The following CHRM5 variants were observed in gnomAD, a reference collection of about 807,000 sequenced individuals.
CHRM5 encodes the protein muscarinic acetylcholine receptor M5.
CHRM5 carries 18 observed loss-of-function variants against 39.0 expected under a neutral mutation model. That is an observed-to-expected ratio of 0.46 (90% CI 0.32 to 0.68). The LOEUF (loss-of-function observed/expected upper bound fraction) is 0.68, where lower values mean the gene tolerates loss of function less well. Ranked by LOEUF, CHRM5 falls within the 30% of genes least tolerant of loss-of-function variation. CHRM5 has a pLI of 0.04. For synonymous variants in CHRM5, 241 were observed against 246.3 expected (o/e 0.98, Z 0.20); for missense variants, 515 against 651.1 (o/e 0.79, Z 2.28).
At chr15:34,038,797 C>T (rs1219387733) in intron 1 of CHRM5, 2 of 1,189,998 alleles carry the variant, frequency 1.7e-6, no homozygotes, top group Non-Finnish European at 2.1e-6. Context: ...CTGGCCCCTG[C>T]GCCCCAGCCT....
intron 2 of CHRM5, among the ~76,000 whole-genome samples, chr15:34,047,346 G>A (rs973728057): frequency 3.3e-5 from 5 of 152,150 alleles, no homozygotes; most frequent in Non-Finnish European, 7.4e-5. Flanking sequence ...CAAAGTGCTG[G>A]GATTACAGGC....
In CHRM5 at chr15:34,066,843, A is replaced by G. The variant is rs566265264; in HGVS notation, c.*2527A>G. On this transcript the variant is annotated 3_prime_UTR_variant, in exon 3 of 3. Transcript: ENST00000383263. Reference sequence around the variant, plus strand: ...AAAAAAAAGAGAGAGAGAGAGGTCAATGCTTCTTTTTTTATCATTGGTTTT... The same window carrying G: ...AAAAAAAAGAGAGAGAGAGAGGTCAGTGCTTCTTTTTTTATCATTGGTTTT... The G allele has an allele frequency of 1.7e-4, 26 of 152,090 alleles. No homozygotes were observed. Among genetic ancestry groups the G allele is most frequent in the African/African-American group, 4.8e-4 (20 of 41,458 alleles). 9.4% of individuals were successfully genotyped at this position (152,090 alleles called of 1,614,324 possible). A position where few individuals can be genotyped will look rare whatever the true frequency, so the allele number is the denominator to read the frequency against.
intron 1 of CHRM5, among the ~76,000 whole-genome samples, chr15:34,039,725 C>T (rs1488507969): frequency 6.6e-6 from 1 of 152,140 alleles, no homozygotes; most frequent in Non-Finnish European, 1.5e-5. Context: ...GAAATGACTA[C>T]TACAGCTGAC....
intron 1 of CHRM5, among the ~76,000 whole-genome samples, chr15:33,988,040 C>T (rs1045050133): frequency 1.3e-5 from 2 of 152,324 alleles, no homozygotes; most frequent in South Asian, 4.1e-4. Context: ...AACTGGGAGC[C>T]TCACAGTGCA....
chr15:34,027,941 C>G (rs965531415), intron 1 of CHRM5, among the ~76,000 whole-genome samples: 1 of 152,038 alleles, frequency 6.6e-6, no homozygotes, highest in African/African-American at 2.4e-5. Context: ...ATACACATGT[C>G]CAAGGCTGTG....
chr15:33,981,996 A>T (rs12438655), intron 1 of CHRM5, among the ~76,000 whole-genome samples: 1 of 151,366 alleles, frequency 6.6e-6, no homozygotes, highest in African/African-American at 2.4e-5. Context: ...GACTACAGGT[A>T]CATGCCACCA....
rs868683132 is a variant in CHRM5 at position 34,064,394 on chromosome 15, T to C, written c.*78T>C. The stretch of plus-strand genomic sequence containing the variant: ...GGATGAGCAAGCTGATTCTGGTTTG[T>C]ATATTTTCAAAAAGAAGACATCTCA... On this transcript the variant is annotated 3_prime_UTR_variant, in exon 3 of 3. Coordinates refer to ENST00000383263, the MANE Select transcript of CHRM5 (RefSeq NM_012125.4). 6.9e-7 allele frequency: 1 copy of C among 1,450,872 alleles called. No homozygotes were observed. Among genetic ancestry groups the C allele is most frequent in the Non-Finnish European group, 9.1e-7 (1 of 1,093,484 alleles). 89.9% of individuals were successfully genotyped at this position (1,450,872 alleles called of 1,614,324 possible).
At chr15:33,984,721 TATGAG>T (rs1335847578) in intron 1 of CHRM5, among the ~76,000 whole-genome samples, 21 of 152,126 alleles carry the variant, frequency 1.4e-4, no homozygotes, top group African/African-American at 4.8e-4. Flanking sequence ...TAGGTTTCTA[TATGAG>T]TTGCTTTTCA....
At chr15:33,973,465 T>C (rs1432419130) in intron 1 of CHRM5, among the ~76,000 whole-genome samples, 1 of 152,228 alleles carries the variant, frequency 6.6e-6, no homozygotes, top group Non-Finnish European at 1.5e-5. Context: ...GGGTAACTTC[T>C]GGTAATACCT....
intron 1 of CHRM5, among the ~76,000 whole-genome samples, chr15:33,986,512 A>C (rs1896477070): frequency 6.6e-6 from 1 of 152,174 alleles, no homozygotes; most frequent in African/African-American, 2.4e-5. Flanking sequence ...CTACTTAGCT[A>C]GAAAGTAAGA....
At chr15:34,038,837 G>GCCT in intron 1 of CHRM5, 1 of 1,188,096 alleles carries the variant, frequency 8.4e-7, no homozygotes, top group Non-Finnish European at 1.0e-6. Context: ...CTCGCGGGGC[G>GCCT]CCTCCTCCTC....
chr15:34,048,149 T>C (rs1001150897), intron 2 of CHRM5, among the ~76,000 whole-genome samples: 1 of 152,224 alleles, frequency 6.6e-6, no homozygotes, highest in Admixed American at 6.5e-5. Context: ...GTGCTGGGAT[T>C]ACAGGCGTAA....
At chr15:33,983,177 T>TATAC (rs1239553738) in intron 1 of CHRM5, among the ~76,000 whole-genome samples, 3 of 122,396 alleles carry the variant, frequency 2.5e-5, no homozygotes, top group East Asian at 5.0e-4. Flanking sequence ...TGTGTATATA[T>TATAC]ACACACGTGT....
Position 34,045,290 on chromosome 15 carries a change from C to T in CHRM5, c.-407-1250C>T, listed in dbSNP as rs1233351173. 5.9e-5 allele frequency among the ~76,000 whole-genome samples: 9 copies of T among 152,178 alleles called. No individual in the cohort carries two copies. In the South Asian group the frequency reaches 1.0e-3, roughly 18 times the overall value. On this transcript the variant is annotated intron_variant, in intron 1 of 2. Coordinates refer to ENST00000383263, the MANE Select transcript of CHRM5 (RefSeq NM_012125.4). Reference sequence around the variant, plus strand: ...GAACATGTCACATTGAAATCCTGCTCTGGATATTATTGCTTCAGAGGTATT... The same window carrying T: ...GAACATGTCACATTGAAATCCTGCTTTGGATATTATTGCTTCAGAGGTATT...
chr15:33,983,140 G>GTGTGTGTGTGTA (rs1324259254), intron 1 of CHRM5, among the ~76,000 whole-genome samples: 9 of 118,340 alleles, frequency 7.6e-5, no homozygotes, highest in African/African-American at 3.6e-4. Flanking sequence ...GTGTGTGTGT[G>GTGTGTGTGTGTA]TGTGTGTGTG....
At chr15:34,012,713 T>C (rs879795289) in intron 1 of CHRM5, among the ~76,000 whole-genome samples, 3 of 152,224 alleles carry the variant, frequency 2.0e-5, no homozygotes, top group Non-Finnish European at 4.4e-5. Context: ...CACTTGAAGA[T>C]ATTTTCCAAA....
intron 1 of CHRM5, among the ~76,000 whole-genome samples, chr15:33,983,200 GTA>G (rs769965010): frequency 0.099 from 6,326 of 63,920 alleles, 248 homozygotes; most frequent in Admixed American, 0.17. Flanking sequence ...GTATGTGTGT[GTA>G]TATATATATA....
intron 1 of CHRM5, among the ~76,000 whole-genome samples, chr15:34,005,382 T>C (rs1188934305): frequency 6.6e-6 from 1 of 152,224 alleles, no homozygotes; most frequent in Non-Finnish European, 1.5e-5. Flanking sequence ...CCCTGACTTA[T>C]TGACAAGGCC....
chr15:34,013,029 C>G (rs1185622248), intron 1 of CHRM5, among the ~76,000 whole-genome samples: 1 of 151,928 alleles, frequency 6.6e-6, no homozygotes, highest in Non-Finnish European at 1.5e-5. Context: ...AAGGACCTGA[C>G]CAGTGTCTCC....
Sources: gnomAD v4.1 joint callset for allele counts (sites outside exome capture counted in the v4.1 genomes callset) on GRCh38, gnomAD v4.1.1 for gene constraint, MANE v1.5 for transcripts, NCBI Gene and HGNC (gene_info 2026-07-23, HGNC 2026-07-21) for gene names.